AFF2: variants seen among roughly 807,000 people sequenced by gnomAD.
AFF2 encodes ALF transcription elongation factor 2.
AFF2 carries 14 observed loss-of-function variants against 76.9 expected under a neutral mutation model. That is an observed-to-expected ratio of 0.18 (90% CI 0.12 to 0.28). The LOEUF is 0.28. Ranked by LOEUF, AFF2 falls within the 10% of genes least tolerant of loss-of-function variation. The probability of loss-of-function intolerance (pLI) is 1.00; values close to 1 mark genes in which losing one functional copy is unlikely to be tolerated. For synonymous variants in AFF2, 398 were observed against 366.7 expected, an observed-to-expected ratio of 1.09 and a Z score of -0.98; for missense variants, 868 against 1,001.1, an observed-to-expected ratio of 0.87 and a Z score of 1.79.
At chrX:148,754,061 G>A (rs1387059053) in intron 3 of AFF2, among the ~76,000 whole-genome samples, 2 of 111,394 alleles carry the variant, frequency 1.8e-5, no homozygotes, top group Non-Finnish European at 3.8e-5. Flanking sequence ...ATCAATCATG[G>A]CTATGATCAA....
chrX:148,875,535 C>T (rs1297418784), intron 7 of AFF2, among the ~76,000 whole-genome samples: 1 of 111,857 alleles, frequency 8.9e-6, no homozygotes, highest in African/African-American at 3.2e-5. Context: ...AATGAATCAA[C>T]ATTAATACAT....
intron 3 of AFF2, among the ~76,000 whole-genome samples, chrX:148,709,800 C>A (rs1183226978): frequency 2.7e-5 from 3 of 111,856 alleles, no homozygotes; most frequent in Non-Finnish European, 5.6e-5. Flanking sequence ...GGCATTATTA[C>A]TTATCTCGCT....
intron 3 of AFF2, among the ~76,000 whole-genome samples, chrX:148,717,075 A>G (rs2055031974): frequency 8.9e-6 from 1 of 112,263 alleles, no homozygotes; most frequent in Non-Finnish European, 1.9e-5. Context: ...ATTTAAGAGA[A>G]CTGAAACCAT....
intron 9 of AFF2, among the ~76,000 whole-genome samples, chrX:148,926,751 A>G (rs910195925): frequency 8.9e-6 from 1 of 112,012 alleles, no homozygotes; most frequent in Non-Finnish European, 1.9e-5. Context: ...CCATTTTCCC[A>G]GTGATTGAAC....
chrX:148,988,191 G>A (rs2072495829), intron 20 of AFF2, among the ~76,000 whole-genome samples: 1 of 111,953 alleles, frequency 8.9e-6, no homozygotes, highest in Non-Finnish European at 1.9e-5. Flanking sequence ...TGTCATTGAG[G>A]ATCACAACAA....
intron 3 of AFF2, among the ~76,000 whole-genome samples, chrX:148,683,456 T>A (rs1052676369): frequency 1.4e-4 from 16 of 112,242 alleles, no homozygotes; most frequent in Middle Eastern, 9.2e-3. Flanking sequence ...AGCTCTAGCT[T>A]TGCATATTTA....
intron 7 of AFF2, among the ~76,000 whole-genome samples, chrX:148,858,709 T>A (rs1260282801): frequency 5.9e-4 from 65 of 111,111 alleles, no homozygotes; most frequent in African/African-American, 2.1e-3. Flanking sequence ...CCCACTTCAT[T>A]CACAACAGTT....
At chrX:148,653,610 TG>T (rs1248818478) in intron 2 of AFF2, among the ~76,000 whole-genome samples, 1 of 111,805 alleles carries the variant, frequency 8.9e-6, no homozygotes, top group African/African-American at 3.3e-5. Flanking sequence ...ATGATGATGT[TG>T]GGCAGTGTGG....
At chrX:148,933,110 G>A (rs73640613) in intron 9 of AFF2, among the ~76,000 whole-genome samples, 10,639 of 111,870 alleles carry the variant, frequency 0.095, 1,207 homozygotes, top group African/African-American at 0.33. Flanking sequence ...GCTGCATCGA[G>A]CAAAGACCAA....
chrX:148,651,083 C>T (rs782041710), intron 1 of AFF2, among the ~76,000 whole-genome samples: 27 of 112,030 alleles, frequency 2.4e-4, no homozygotes, highest in Non-Finnish European at 4.0e-4. Context: ...TACACCACTA[C>T]GAGACTTAGA....
intron 3 of AFF2, among the ~76,000 whole-genome samples, chrX:148,732,481 C>T (rs1410402178): frequency 2.3e-5 from 2 of 87,113 alleles, no homozygotes; most frequent in Non-Finnish European, 4.4e-5. Context: ...TGCTAGATGA[C>T]GAGTTAGTGG....
intron 7 of AFF2, among the ~76,000 whole-genome samples, chrX:148,866,526 A>C (rs2070909270): frequency 1.8e-5 from 2 of 112,373 alleles, no homozygotes; most frequent in Admixed American, 9.4e-5. Context: ...CTTCATCTGT[A>C]AAATGGCAAA....
At chrX:148,851,414 G>A (rs782387261) in intron 7 of AFF2, among the ~76,000 whole-genome samples, 1 of 112,485 alleles carries the variant, frequency 8.9e-6, no homozygotes, top group East Asian at 2.8e-4. Flanking sequence ...GTGGGATGGA[G>A]TAGATGGGGT....
intron 3 of AFF2, among the ~76,000 whole-genome samples, chrX:148,773,875 TAGA>T (rs1246153290): frequency 2.7e-5 from 3 of 111,277 alleles, no homozygotes; most frequent in Non-Finnish European, 3.8e-5. Flanking sequence ...GGGTCTCTTA[TAGA>T]AGATCTGAGC....
intron 7 of AFF2, among the ~76,000 whole-genome samples, chrX:148,850,312 G>A (rs188510479): frequency 8.9e-6 from 1 of 111,836 alleles, no homozygotes; most frequent in East Asian, 2.8e-4. Context: ...ATTAGAAAGT[G>A]GCTTTATATC....
At chrX:148,920,695 A>G in intron 9 of AFF2, among the ~76,000 whole-genome samples, 1 of 110,208 alleles carries the variant, frequency 9.1e-6, no homozygotes, top group East Asian at 2.8e-4. Context: ...TCTGAGTTTT[A>G]AAATTTTTCT....
chrX:148,848,310 A>C (rs2070692032), intron 7 of AFF2, among the ~76,000 whole-genome samples: 1 of 112,054 alleles, frequency 8.9e-6, no homozygotes. Flanking sequence ...ATTACCAAAG[A>C]GAATAGAAAG....
Position 148,962,699 on chromosome X carries a change from T to G in AFF2, c.2691-16T>G. Reference sequence around the variant, plus strand: ...GAGAAGACTTTATGACACCCTACACTTCTTGTTTTTCACAGAAATAATTCA... The same window carrying G: ...GAGAAGACTTTATGACACCCTACACGTCTTGTTTTTCACAGAAATAATTCA... On this transcript the variant is annotated splice_polypyrimidine_tract_variant and intron_variant, in intron 12 of 20. Transcript: ENST00000370460. 1 of 1,177,202 alleles carries G rather than the reference T, an allele frequency of 8.5e-7. No homozygotes were observed. The highest frequency in any genetic ancestry group is 1.8e-5 in the African/African-American group (1 of 56,955).
At chrX:148,598,444 C>A (rs2053596152) in intron 1 of AFF2, among the ~76,000 whole-genome samples, 1 of 111,835 alleles carries the variant, frequency 8.9e-6, no homozygotes. Context: ...TGACCAATAT[C>A]CTTCCTGTGC....
Sources: gnomAD v4.1 joint callset for allele counts (sites outside exome capture counted in the v4.1 genomes callset) on GRCh38, gnomAD v4.1.1 for gene constraint, MANE v1.5 for transcripts, NCBI Gene and HGNC (gene_info 2026-07-23, HGNC 2026-07-21) for gene names.